Variants in MARCHF5 observed in about 807,000 individuals in gnomAD.
The protein encoded by MARCHF5 is E3 ubiquitin-protein ligase MARCHF5.
Under a neutral mutation model 36.5 loss-of-function variants are expected in MARCHF5, and 5 were observed. The ratio of observed to expected loss-of-function variants is 0.14; its 90% CI spans 0.07 to 0.29. The LOEUF is 0.29. Among genes scored for constraint, MARCHF5 ranks in the 10% least tolerant of loss-of-function variants. The pLI is 1.00. For synonymous variants in MARCHF5, 103 were observed against 109.9 expected, an observed-to-expected ratio of 0.94 and a Z score of 0.39; for missense variants, 179 against 336.3, an observed-to-expected ratio of 0.53 and a Z score of 3.66.
intron 1 of MARCHF5, among the ~76,000 whole-genome samples, chr10:92,307,800 G>A (rs1227682453): frequency 6.6e-6 from 1 of 152,000 alleles, no homozygotes; most frequent in African/African-American, 2.4e-5. Context: ...GCTTGAACCG[G>A]GAGGCGGAGG....
chr10:92,348,764 C>A (rs1843685423), intron 3 of MARCHF5, among the ~76,000 whole-genome samples: 1 of 151,938 alleles, frequency 6.6e-6, no homozygotes, highest in Non-Finnish European at 1.5e-5. Flanking sequence ...CTACTACAGT[C>A]CCTCAATTCT....
At chr10:92,328,821 A>ATTTTTTT (rs34713388) in intron 2 of MARCHF5, among the ~76,000 whole-genome samples, 1 of 122,444 alleles carries the variant, frequency 8.2e-6, no homozygotes, top group Admixed American at 8.8e-5. Flanking sequence ...ATATATATAT[A>ATTTTTTT]TTTTTTTTTT....
chr10:92,300,978 C>T (rs866886461), intron 1 of MARCHF5, among the ~76,000 whole-genome samples: 16 of 151,250 alleles, frequency 1.1e-4, no homozygotes, highest in Non-Finnish European at 2.2e-4. Flanking sequence ...CTGCAGCCTC[C>T]GGGTTCAAGC....
chr10:92,296,236 A>T (rs1259919480), intron 1 of MARCHF5, among the ~76,000 whole-genome samples: 23 of 152,098 alleles, frequency 1.5e-4, no homozygotes. Flanking sequence ...TTTTATGTAA[A>T]TTTATTATTT....
intron 2 of MARCHF5, among the ~76,000 whole-genome samples, chr10:92,327,705 G>C (rs1737824493): frequency 6.6e-6 from 1 of 152,106 alleles, no homozygotes; most frequent in African/African-American, 2.4e-5. Flanking sequence ...TATATCTGCT[G>C]CCTTAGCATT....
intron 2 of MARCHF5, among the ~76,000 whole-genome samples, chr10:92,335,225 T>G (rs1843489108): frequency 1.3e-5 from 2 of 152,214 alleles, no homozygotes; most frequent in South Asian, 2.1e-4. Context: ...TGGTGTAATC[T>G]GACAGCAATA....
intron 2 of MARCHF5, among the ~76,000 whole-genome samples, chr10:92,335,215 T>G (rs1490969817): frequency 1.3e-5 from 2 of 152,220 alleles, no homozygotes; most frequent in Non-Finnish European, 2.9e-5. Context: ...TAACTTTTTG[T>G]GGTGTAATCT....
intron 3 of MARCHF5, among the ~76,000 whole-genome samples, chr10:92,345,443 T>G (rs1408381516): frequency 1.3e-5 from 2 of 152,114 alleles, no homozygotes; most frequent in African/African-American, 4.8e-5. Context: ...AGGCAGAGGT[T>G]GTAGTGAGCC....
At chr10:92,341,134 C>G (rs1042108198) in intron 3 of MARCHF5, among the ~76,000 whole-genome samples, 9 of 152,154 alleles carry the variant, frequency 5.9e-5, no homozygotes, top group Non-Finnish European at 1.0e-4. Context: ...AAAAACAGTG[C>G]TGCATAGCTT....
chr10:92,347,258 C>T (rs1019974267), intron 3 of MARCHF5, among the ~76,000 whole-genome samples: 15 of 151,982 alleles, frequency 9.9e-5, no homozygotes, highest in South Asian at 2.1e-4. Flanking sequence ...CCAAGGCAGG[C>T]GGATCACCTG....
chr10:92,297,933 C>T (rs1842967349), intron 1 of MARCHF5, among the ~76,000 whole-genome samples: 1 of 152,120 alleles, frequency 6.6e-6, no homozygotes, highest in Non-Finnish European at 1.5e-5. Flanking sequence ...TGCAGTGGCT[C>T]ACACCTGTAA....
chr10:92,350,012 C>T, intron 5 of MARCHF5, 175 bp downstream of exon 5: 1 of 589,314 alleles, frequency 1.7e-6, no homozygotes, highest in Non-Finnish European at 2.9e-6. Flanking sequence ...GGAGAAACCA[C>T]TGCAGCAGTT....
chr10:92,295,226 A>G (rs1384390267), intron 1 of MARCHF5, among the ~76,000 whole-genome samples: 1 of 151,260 alleles, frequency 6.6e-6, no homozygotes, highest in Non-Finnish European at 1.5e-5. Context: ...TAAACTGTCA[A>G]AGTGAAGACT....
chr10:92,326,289 G>A (rs919767600), intron 2 of MARCHF5, among the ~76,000 whole-genome samples: 10 of 151,892 alleles, frequency 6.6e-5, no homozygotes, highest in African/African-American at 2.4e-4. Context: ...GCACTATGTC[G>A]ATCACTTTGC....
chr10:92,310,559 A>G (rs1843132869), intron 1 of MARCHF5, among the ~76,000 whole-genome samples: 1 of 152,248 alleles, frequency 6.6e-6, no homozygotes, highest in Non-Finnish European at 1.5e-5. Context: ...TTCTAAAAAA[A>G]AAAATCTTGA....
chr10:92,301,867 T>A (rs1415616972), intron 1 of MARCHF5, among the ~76,000 whole-genome samples: 2 of 152,184 alleles, frequency 1.3e-5, no homozygotes, highest in Non-Finnish European at 2.9e-5. Flanking sequence ...GAGACCAGCC[T>A]GGCCAACATG....
At position 92,331,770 on chromosome 10, in the gene MARCHF5, T is replaced by C. The variant is rs146419651; in HGVS notation, c.239-8903T>C. On this transcript the variant is annotated intron_variant, in intron 2 of 5. Transcript: ENST00000358935. ...ATCATAAGGAACTACTGTGGTGATC[T>C]TCAGTGATTAATCATGGAAATGCAA... 2.7e-3 allele frequency among the ~76,000 whole-genome samples: 411 copies of C among 150,998 alleles called. 2 individuals are homozygous for C. The highest frequency in any genetic ancestry group is 9.6e-3 in the African/African-American group (397 of 41,306).
intron 1 of MARCHF5, among the ~76,000 whole-genome samples, chr10:92,297,375 G>A (rs1003633472): frequency 1.3e-5 from 2 of 151,446 alleles, no homozygotes; most frequent in African/African-American, 4.8e-5. Context: ...TCACCACGTT[G>A]CCCAGGCTGG....
At chr10:92,350,361 A>G (rs61875243) in intron 5 of MARCHF5, 51,409 of 152,960 alleles carry the variant, frequency 0.34, 10,876 homozygotes, top group Middle Eastern at 0.52. Context: ...AAGGGGGCAA[A>G]CGTGGGAATA....
Sources: gnomAD v4.1 joint callset for allele counts (sites outside exome capture counted in the v4.1 genomes callset) on GRCh38, gnomAD v4.1.1 for gene constraint, MANE v1.5 for transcripts, NCBI Gene and HGNC (gene_info 2026-07-23, HGNC 2026-07-21) for gene names.